ARFGEF2: variants seen among roughly 807,000 people sequenced by gnomAD.
ARFGEF2 encodes the protein brefeldin A-inhibited guanine nucleotide-exchange protein 2.
A neutral mutation model predicts 219.9 loss-of-function variants in ARFGEF2; 74 were observed. The ratio of observed to expected loss-of-function variants is 0.34; its 90% confidence interval spans 0.28 to 0.41. The LOEUF is 0.41. Among genes scored for constraint, ARFGEF2 ranks in the 10% least tolerant of loss-of-function variants. The pLI, the probability that ARFGEF2 is intolerant of heterozygous loss-of-function variation, is 1.00. For synonymous variants in ARFGEF2, 733 were observed against 799.2 expected, an observed-to-expected ratio of 0.92 and a Z score of 1.40; for missense variants, 1,743 against 2,218.3, an observed-to-expected ratio of 0.79 and a Z score of 4.30.
At chr20:49,025,170 A>G (rs2091593989) in intron 35 of ARFGEF2, 143 bp from the exon 36 acceptor site, 2 of 869,508 alleles carry the variant, frequency 2.3e-6, no homozygotes, top group East Asian at 5.5e-5. Context: ...CTAAATGGAA[A>G]TGTTTCAGGG....
chr20:48,960,730 G>C (rs1373604438), intron 6 of ARFGEF2, among the ~76,000 whole-genome samples: 1 of 150,972 alleles, frequency 6.6e-6, no homozygotes, highest in Non-Finnish European at 1.5e-5. Flanking sequence ...TGATCCACCC[G>C]CCTTGGCCTC....
chr20:48,976,214 C>T lies in ARFGEF2; in HGVS notation c.1958+15C>T, dbSNP rs201093540. On this transcript the variant is annotated intron_variant, in intron 14 of 38. Transcript: ENST00000371917. ...GGCATCGAGCTGTGAGTGGGGCTGC[C>T]GTTAACTAGCAGGGATTCTAGCAAA... 117 of 1,613,484 alleles carry T rather than the reference C, an allele frequency of 7.3e-5. No homozygotes were observed. The highest frequency in any genetic ancestry group is 8.4e-5 in the Non-Finnish European group (99 of 1,179,862).
intron 6 of ARFGEF2, among the ~76,000 whole-genome samples, chr20:48,956,077 G>T (rs1482821765): frequency 1.3e-5 from 2 of 152,180 alleles, no homozygotes; most frequent in Non-Finnish European, 2.9e-5. Flanking sequence ...CGTACCCAGG[G>T]GCGGAGTCCA....
chr20:48,922,076 T>TCGGCCTTGGCC, intron 1 of ARFGEF2, 66 bp downstream of exon 1: 2 of 1,523,152 alleles, frequency 1.3e-6, no homozygotes, highest in Admixed American at 2.0e-5. Context: ...CCTATCCTAC[T>TCGGCCTTGGCC]CGGCCTTGGC....
chr20:48,945,599 C>CA (rs2091020784), intron 3 of ARFGEF2, among the ~76,000 whole-genome samples: 1 of 152,170 alleles, frequency 6.6e-6, no homozygotes, highest in Non-Finnish European at 1.5e-5. Context: ...TGCAGTGGCT[C>CA]ACGCCTGTAA....
intron 1 of ARFGEF2, 107 bp from the exon 2 acceptor site, chr20:48,941,092 C>A: frequency 9.9e-7 from 1 of 1,009,980 alleles, no homozygotes; most frequent in Non-Finnish European, 1.5e-6. Context: ...TGTATTTAAA[C>A]ATCTCGTTAA....
chr20:48,953,847 A>AG, intron 6 of ARFGEF2, 57 bp downstream of exon 6: 1 of 1,500,012 alleles, frequency 6.7e-7, no homozygotes, highest in Non-Finnish European at 9.2e-7. Flanking sequence ...TCAGCCTGTG[A>AG]GGGGCAGAAG....
chr20:48,948,946 T>G (rs2091047985), intron 3 of ARFGEF2, among the ~76,000 whole-genome samples: 1 of 152,248 alleles, frequency 6.6e-6, no homozygotes, highest in Non-Finnish European at 1.5e-5. Flanking sequence ...CTTTGAGCTT[T>G]GGTGCACCTC....
chr20:48,951,270 G>A (rs1334475350), intron 3 of ARFGEF2, 53 bp from the exon 4 acceptor site: 10 of 1,606,734 alleles, frequency 6.2e-6, no homozygotes, highest in Non-Finnish European at 8.5e-6. Context: ...GCCACGGAAG[G>A]CCTCAGTCCT....
intron 1 of ARFGEF2, among the ~76,000 whole-genome samples, chr20:48,933,526 C>T (rs2090927124): frequency 6.6e-6 from 1 of 152,226 alleles, no homozygotes; most frequent in East Asian, 1.9e-4. Context: ...ATCAGTGAGT[C>T]AGCTATCATC....
At chr20:49,013,454 A>G in intron 28 of ARFGEF2, 110 bp from the exon 29 acceptor site, 1 of 1,403,572 alleles carries the variant, frequency 7.1e-7, no homozygotes, top group Non-Finnish European at 1.0e-6. Context: ...TGCTGAATGG[A>G]GATTTTTGGG....
intron 27 of ARFGEF2, among the ~76,000 whole-genome samples, chr20:49,010,943 A>G (rs1464485527): frequency 6.6e-6 from 1 of 152,218 alleles, no homozygotes. Context: ...GTCATGACAT[A>G]AACAAGTGTG....
Position 48,951,324 on chromosome 20 carries a change from A to G in ARFGEF2, c.278A>G (p.Lys93Arg). The change falls in exon 4 of 39, where the codon AAA becomes AGA. Residue 93 changes from lysine (K) to arginine (R), a missense_variant and splice_region_variant. Physicochemically the swap from Lys to Arg is conservative, Grantham distance 26. This residue lies in a region of ARFGEF2 where 394 missense variants were observed against 426.6 expected (regional missense o/e 0.92). Coordinates refer to ENST00000371917, the MANE Select transcript of ARFGEF2 (RefSeq NM_006420.3). ...AATCTCTGTTCTTTCTCTCTTTAGA[A>G]ACTCATCGCATACGGGCACATCACT... ...VVSTSLDCLQ[K>R]LIAYGHITGN... 1 of 1,614,102 alleles carries G rather than the reference A, an allele frequency of 6.2e-7. No individual in the cohort carries two copies. The highest frequency in any genetic ancestry group is 8.5e-7 in the Non-Finnish European group (1 of 1,180,000).
At chr20:49,000,237 A>T (rs73264269) in intron 25 of ARFGEF2, among the ~76,000 whole-genome samples, 3 of 152,208 alleles carry the variant, frequency 2.0e-5, no homozygotes, top group Non-Finnish European at 4.4e-5. Flanking sequence ...TTGTTTTTCC[A>T]TCAGCTCAAA....
intron 20 of ARFGEF2, 70 bp downstream of exon 20, chr20:48,989,754 AAATT>A (rs1232510500): frequency 6.9e-6 from 11 of 1,602,614 alleles, no homozygotes; most frequent in Non-Finnish European, 9.4e-6. Context: ...CAAAACTTAG[AAATT>A]ATCAGAAATT....
intron 1 of ARFGEF2, among the ~76,000 whole-genome samples, chr20:48,935,500 C>CACAG (rs2090942368): frequency 6.6e-6 from 1 of 152,140 alleles, no homozygotes; most frequent in African/African-American, 2.4e-5. Flanking sequence ...CCTCTTTCTA[C>CACAG]ACAGACACGG....
chr20:49,023,695 C>T (rs1017597537), intron 35 of ARFGEF2, among the ~76,000 whole-genome samples: 7 of 151,406 alleles, frequency 4.6e-5, no homozygotes, highest in Admixed American at 1.3e-4. Context: ...CCCGCTACCA[C>T]GCCCGGCTAA....
intron 3 of ARFGEF2, among the ~76,000 whole-genome samples, chr20:48,942,547 C>T (rs551072572): frequency 3.3e-4 from 47 of 140,458 alleles, no homozygotes; most frequent in Non-Finnish European, 5.3e-4. Flanking sequence ...TGCAATGGCG[C>T]GACCTCAGCT....
intron 1 of ARFGEF2, among the ~76,000 whole-genome samples, chr20:48,937,035 T>C (rs929481922): frequency 9.8e-5 from 15 of 152,348 alleles, no homozygotes; most frequent in African/African-American, 3.6e-4. Context: ...CATATGAGAC[T>C]ACTGCTATTT....
Sources: gnomAD v4.1 joint callset for allele counts (sites outside exome capture counted in the v4.1 genomes callset) on GRCh38, gnomAD v4.1.1 for gene constraint, gnomAD v4.1.1 regional missense constraint, MANE v1.5 for transcripts, NCBI Gene and HGNC (gene_info 2026-07-23, HGNC 2026-07-21) for gene names.